Variants in OSBPL8 observed in about 807,000 individuals in gnomAD.
OSBPL8 encodes oxysterol binding protein like 8.
Under a neutral mutation model 125.5 loss-of-function variants are expected in OSBPL8, and 59 were observed. That is an observed-to-expected ratio of 0.47 (90% CI 0.38 to 0.58). The LOEUF is 0.58. Among genes scored for constraint, OSBPL8 ranks in the 20% least tolerant of loss-of-function variants. The pLI is 0.00. For synonymous variants in OSBPL8, 330 were observed against 338.9 expected, an observed-to-expected ratio of 0.97 and a Z score of 0.29; for missense variants, 758 against 1,047.8, an observed-to-expected ratio of 0.72 and a Z score of 3.82.
At chr12:76,415,030 T>G (rs1418757815) in intron 4 of OSBPL8, among the ~76,000 whole-genome samples, 1 of 152,192 alleles carries the variant, frequency 6.6e-6, no homozygotes, top group East Asian at 1.9e-4. Context: ...GTAATCCATA[T>G]TCATTACTGA....
At chr12:76,414,257 G>C (rs1477774372) in intron 4 of OSBPL8, among the ~76,000 whole-genome samples, 5 of 152,006 alleles carry the variant, frequency 3.3e-5, no homozygotes, top group Non-Finnish European at 5.9e-5. Context: ...TTAAAGTACA[G>C]TATTGCCTAG....
chr12:76,502,028 A>C (rs1879954384), intron 1 of OSBPL8, among the ~76,000 whole-genome samples: 1 of 152,204 alleles, frequency 6.6e-6, no homozygotes, highest in Non-Finnish European at 1.5e-5. Context: ...CAGGGAATCC[A>C]CTGGCCTTAC....
intron 4 of OSBPL8, among the ~76,000 whole-genome samples, chr12:76,424,507 C>G (rs924669843): frequency 2.6e-5 from 4 of 152,068 alleles, no homozygotes; most frequent in Non-Finnish European, 5.9e-5. Flanking sequence ...AATTATAATT[C>G]ATGTAATGGT....
chr12:76,400,838 G>A (rs375827694), intron 6 of OSBPL8, among the ~76,000 whole-genome samples: 1 of 150,224 alleles, frequency 6.7e-6, no homozygotes, highest in Non-Finnish European at 1.5e-5. Context: ...ACCCAGGCTG[G>A]AGTGCAGTGG....
chr12:76,410,484 T>G, intron 5 of OSBPL8, 80 bp downstream of exon 5: 1 of 1,031,348 alleles, frequency 9.7e-7, no homozygotes, highest in South Asian at 1.4e-5. Context: ...CAAAAAAGCT[T>G]CATAGGATTT....
chr12:76,361,450 C>T (rs1952202478), intron 21 of OSBPL8, among the ~76,000 whole-genome samples: 1 of 152,218 alleles, frequency 6.6e-6, no homozygotes, highest in Admixed American at 6.5e-5. Flanking sequence ...ATTTTCCTGT[C>T]TTCTTCTGAG....
chr12:76,519,459 C>T (rs1368814667), intron 1 of OSBPL8, among the ~76,000 whole-genome samples: 1 of 152,128 alleles, frequency 6.6e-6, no homozygotes, highest in Non-Finnish European at 1.5e-5. Flanking sequence ...TTCTTCTGAG[C>T]CCACCAAACA....
Position 76,386,285 on chromosome 12 carries a change from A to AAT in OSBPL8, c.1435-20_1435-19insAT, listed in dbSNP as rs398116622. ...TCAGTCCCTGGTAAAAAAAAAAAAA[A>AAT]GCAATTTCAAATTACAAATACAAAG... On this transcript the variant is annotated intron_variant, in intron 13 of 23. Transcript: ENST00000261183. 6.3e-7 allele frequency: 1 copy of AAT among 1,575,030 alleles called. No individual in the cohort carries two copies. Among genetic ancestry groups the AAT allele is most frequent in the Non-Finnish European group, 8.6e-7 (1 of 1,165,960 alleles).
chr12:76,441,526 T>TA, intron 4 of OSBPL8, among the ~76,000 whole-genome samples: 1 of 152,218 alleles, frequency 6.6e-6, no homozygotes, highest in Admixed American at 6.5e-5. Flanking sequence ...ACTCTACAGA[T>TA]AAAACTTTTA....
At chr12:76,357,211 C>T (rs950833026) in intron 22 of OSBPL8, among the ~76,000 whole-genome samples, 2 of 152,122 alleles carry the variant, frequency 1.3e-5, no homozygotes, top group African/African-American at 4.8e-5. Flanking sequence ...GCATTCCTTC[C>T]TTTCCATTTT....
intron 2 of OSBPL8, 85 bp from the exon 3 acceptor site, chr12:76,459,980 A>C (rs946994982): frequency 8.9e-5 from 115 of 1,295,302 alleles, no homozygotes; most frequent in Non-Finnish European, 1.1e-4. Context: ...AACAGCAGTG[A>C]AACAAAAGGA....
chr12:76,442,843 C>G (rs1872343217), intron 4 of OSBPL8, among the ~76,000 whole-genome samples: 1 of 152,120 alleles, frequency 6.6e-6, no homozygotes, highest in African/African-American at 2.4e-5. Context: ...TGTTAGTCAC[C>G]TGAGATTATA....
chr12:76,450,601 C>T (rs576947435), intron 4 of OSBPL8, among the ~76,000 whole-genome samples: 2 of 151,662 alleles, frequency 1.3e-5, no homozygotes, highest in South Asian at 2.1e-4. Flanking sequence ...GTGTGAGAAT[C>T]GCCAAATTAG....
intron 1 of OSBPL8, among the ~76,000 whole-genome samples, chr12:76,537,277 G>C (rs916791391): frequency 6.6e-6 from 1 of 152,066 alleles, no homozygotes; most frequent in African/African-American, 2.4e-5. Flanking sequence ...AAGGTATCAA[G>C]ACACTAAAAT....
At position 76,557,434 on chromosome 12, in the gene OSBPL8, G is replaced by A. The variant is rs1441734546; in HGVS notation, c.-68+1963C>T. The stretch of plus-strand genomic sequence containing the variant: ...GTTGGAGACCAGCCTGGCCAACATG[G>A]TGAAACCCCATCTCTAATAAAAATA... On this transcript the variant is annotated intron_variant, in intron 1 of 23. Transcript: ENST00000261183. 2.6e-5 allele frequency among the ~76,000 whole-genome samples: 4 copies of A among 152,062 alleles called. No individual in the cohort carries two copies. In the South Asian group the frequency reaches 8.3e-4, roughly 32 times the overall value.
intron 4 of OSBPL8, among the ~76,000 whole-genome samples, chr12:76,450,062 G>A (rs1873199208): frequency 6.6e-6 from 1 of 152,052 alleles, no homozygotes; most frequent in Admixed American, 6.6e-5. Flanking sequence ...CAAAAATGCA[G>A]GTGTCTTTTA....
rs776709770 is a variant in OSBPL8 at position 76,378,435 on chromosome 12, G to C, written c.1729+17C>G. The stretch of plus-strand genomic sequence containing the variant: ...AAGGAAAGCTTAATATCTAATTCAA[G>C]TATAGAAAATATTTACCTTTACAAT... On this transcript the variant is annotated intron_variant, in intron 16 of 23. Coordinates refer to ENST00000261183, the MANE Select transcript of OSBPL8 (RefSeq NM_020841.5). 7.5e-6 allele frequency: 11 copies of C among 1,467,888 alleles called. No homozygotes were observed. Among genetic ancestry groups the C allele is most frequent in the Non-Finnish European group, 9.4e-6 (10 of 1,068,506 alleles). 90.9% of individuals were successfully genotyped at this position (1,467,888 alleles called of 1,614,324 possible).
chr12:76,543,235 G>C (rs1218926962), intron 1 of OSBPL8, among the ~76,000 whole-genome samples: 1 of 152,036 alleles, frequency 6.6e-6, no homozygotes, highest in African/African-American at 2.4e-5. Flanking sequence ...TAATGGTCTT[G>C]TAACATTAAA....
Position 76,386,660 on chromosome 12 carries a change from C to T in OSBPL8, c.1353G>A (p.Glu451=). 1.3e-6 allele frequency: 2 copies of T among 1,593,208 alleles called. No homozygotes were observed. Among genetic ancestry groups the T allele is most frequent in the Non-Finnish European group, 1.7e-6 (2 of 1,168,938 alleles). ...AATAAGGATTTTCTTCAAGAGCTGC[C>T]CTAAAACACAAAACGGTAAACAAAA... ...DYYYHADFLS[E]AALEENPYFR... The change falls in exon 13 of 24, where the codon GAG becomes GAA. Residue 451 remains glutamate, a splice_region_variant and synonymous_variant. Coordinates refer to ENST00000261183, the MANE Select transcript of OSBPL8 (RefSeq NM_020841.5).
Sources: gnomAD v4.1 joint callset for allele counts (sites outside exome capture counted in the v4.1 genomes callset) on GRCh38, gnomAD v4.1.1 for gene constraint, MANE v1.5 for transcripts, NCBI Gene and HGNC (gene_info 2026-07-23, HGNC 2026-07-21) for gene names.